The following ANXA8 variants were observed in gnomAD, a reference collection of about 807,000 sequenced individuals.
The protein encoded by ANXA8 is annexin A8.
In ANXA8, 9 loss-of-function variants were observed where a neutral mutation model predicts 26.8. That is an observed-to-expected ratio of 0.34 (90% CI 0.20 to 0.59). The LOEUF (loss-of-function observed/expected upper bound fraction) is 0.59. ANXA8 is among the 20% of genes least tolerant of loss of function. The pLI, the probability that ANXA8 is intolerant of heterozygous loss-of-function variation, is 0.84. For synonymous variants in ANXA8, 39 were observed against 94.8 expected, an observed-to-expected ratio of 0.41 and a Z score of 3.42; for missense variants, 83 against 238.5, an observed-to-expected ratio of 0.35 and a Z score of 4.29.
At chr10:47,768,532 G>A in the ANXA8 span, among the ~76,000 whole-genome samples, 3 of 150,714 alleles carry the variant, frequency 2.0e-5, no homozygotes, top group African/African-American at 7.4e-5. Flanking sequence ...GGGAGGGAGG[G>A]GATTTGCCAG....
the ANXA8 span, among the ~76,000 whole-genome samples, chr10:47,733,889 CGTT>C: frequency 2.1e-4 from 32 of 152,160 alleles, no homozygotes; most frequent in African/African-American, 7.3e-4. Context: ...TCTGCTTCCA[CGTT>C]GTTAAGAAAT....
chr10:47,743,188 AG>A, the ANXA8 span, among the ~76,000 whole-genome samples: 6 of 137,380 alleles, frequency 4.4e-5, no homozygotes, highest in Admixed American at 2.3e-4. Context: ...AAAAAAAAAA[AG>A]AAATGGAAAA....
chr10:47,951,441 G>A, the ANXA8 span, among the ~76,000 whole-genome samples: 1 of 149,914 alleles, frequency 6.7e-6, no homozygotes, highest in Non-Finnish European at 1.5e-5. Flanking sequence ...TAATTTATGG[G>A]ATCAGCATAA....
chr10:47,918,378 A>AGT, the ANXA8 span, among the ~76,000 whole-genome samples: 1 of 16,816 alleles, frequency 5.9e-5, no homozygotes, highest in South Asian at 2.2e-3. Flanking sequence ...AGAGAGAGAG[A>AGT]GAGAGAGAAA....
chr10:47,690,715 A>G, the ANXA8 span: 2 of 1,523,032 alleles, frequency 1.3e-6, no homozygotes, highest in Non-Finnish European at 1.8e-6. Flanking sequence ...TGAAGAACAT[A>G]CAGGATCTCA....
chr10:47,645,043 T>A, the ANXA8 span, among the ~76,000 whole-genome samples: 2 of 151,912 alleles, frequency 1.3e-5, no homozygotes, highest in South Asian at 2.1e-4. Context: ...AGGATCCTGA[T>A]ATCTGTCTTT....
At chr10:47,733,207 T>TCTC in the ANXA8 span, among the ~76,000 whole-genome samples, 5 of 90,054 alleles carry the variant, frequency 5.6e-5, no homozygotes, top group Admixed American at 1.2e-4. Flanking sequence ...CTTTCTTTCT[T>TCTC]TCTTTCTTTC....
chr10:47,600,249 T>C, the ANXA8 span, among the ~76,000 whole-genome samples: 1 of 149,834 alleles, frequency 6.7e-6, no homozygotes, highest in Non-Finnish European at 1.5e-5. Flanking sequence ...TTTGAATCGC[T>C]GTGAACACCA....
chr10:47,715,326 A>G, the ANXA8 span, among the ~76,000 whole-genome samples: 1 of 101,960 alleles, frequency 9.8e-6, no homozygotes, highest in Non-Finnish European at 2.0e-5. Context: ...CGCACCTGTA[A>G]TCCCAGCTAC....
chr10:47,971,306 G>C, the ANXA8 span, among the ~76,000 whole-genome samples: 1 of 151,310 alleles, frequency 6.6e-6, no homozygotes, highest in African/African-American at 2.4e-5. Flanking sequence ...TCTTGTATCA[G>C]TGAAGGAAGG....
At chr10:47,509,027 T>C in the ANXA8 span, among the ~76,000 whole-genome samples, 24 of 135,094 alleles carry the variant, frequency 1.8e-4, no homozygotes, top group South Asian at 4.5e-3. Context: ...TCACCAATAG[T>C]GAATACACCA....
chr10:47,959,248 A>C, the ANXA8 span, among the ~76,000 whole-genome samples: 1 of 147,100 alleles, frequency 6.8e-6, no homozygotes, highest in South Asian at 2.1e-4. Context: ...TTGTAACTTA[A>C]TGCTGGTTGC....
chr10:47,533,223 A>ACACC, the ANXA8 span, among the ~76,000 whole-genome samples: 111 of 139,192 alleles, frequency 8.0e-4, 1 homozygote, highest in Middle Eastern at 7.9e-3. Context: ...ACACACACAC[A>ACACC]CCCCCGCAGA....
chr10:47,669,570 C>T, the ANXA8 span, among the ~76,000 whole-genome samples: 1 of 151,714 alleles, frequency 6.6e-6, no homozygotes, highest in African/African-American at 2.4e-5. Context: ...GAAAAATTAA[C>T]CCGGTGTGGT....
the ANXA8 span, chr10:47,973,196 T>C: frequency 6.6e-6 from 1 of 150,612 alleles, no homozygotes; most frequent in Admixed American, 6.7e-5. Flanking sequence ...GGTCTCTTTT[T>C]TCTTATGCTT....
the ANXA8 span, among the ~76,000 whole-genome samples, chr10:47,772,718 C>T: frequency 6.6e-6 from 1 of 150,920 alleles, no homozygotes; most frequent in African/African-American, 2.4e-5. Context: ...CACCATAAAT[C>T]ATCTGTACAT....
the ANXA8 span, among the ~76,000 whole-genome samples, chr10:47,668,036 C>T: frequency 2.6e-5 from 4 of 151,872 alleles, 1 homozygote; most frequent in African/African-American, 7.3e-5. Context: ...CCGTGCCTGG[C>T]TTCACTCAGT....
At chr10:47,742,944 G>T in the ANXA8 span, among the ~76,000 whole-genome samples, 1 of 141,212 alleles carries the variant, frequency 7.1e-6, no homozygotes, top group African/African-American at 2.6e-5. Context: ...CATGAGGTCA[G>T]GAGATCGAGA....
chr10:47,651,408 G>A, the ANXA8 span, among the ~76,000 whole-genome samples: 1 of 151,556 alleles, frequency 6.6e-6, no homozygotes, highest in Non-Finnish European at 1.5e-5. Flanking sequence ...ATGGGAAACA[G>A]TCTGGCAGTT....
Sources: gnomAD v4.1 joint callset for allele counts (sites outside exome capture counted in the v4.1 genomes callset) on GRCh38, gnomAD v4.1.1 for gene constraint, MANE v1.5 for transcripts, NCBI Gene and HGNC (gene_info 2026-07-23, HGNC 2026-07-21) for gene names.